PDE4D: variants seen among roughly 807,000 people sequenced by gnomAD.
PDE4D encodes the protein phosphodiesterase 4D.
In PDE4D, 24 loss-of-function variants were observed where a neutral mutation model predicts 87.4. That is an observed-to-expected ratio of 0.27 (90% confidence interval 0.20 to 0.39). PDE4D has a LOEUF of 0.39. Ranked by LOEUF, PDE4D falls within the 10% of genes least tolerant of loss-of-function variation. The pLI is 1.00. For synonymous variants in PDE4D, 384 were observed against 383.2 expected, an observed-to-expected ratio of 1.00 and a Z score of -0.02; for missense variants, 714 against 1,041.0, an observed-to-expected ratio of 0.69 and a Z score of 4.32.
chr5:59,541,555 G>C (rs1816351731), intron 1 of PDE4D, among the ~76,000 whole-genome samples: 1 of 152,148 alleles, frequency 6.6e-6, no homozygotes, highest in African/African-American at 2.4e-5. Context: ...TATAATATGG[G>C]AAGGAATTCC....
At chr5:60,414,812 G>A (rs1583674803) in intron 1 of PDE4D, among the ~76,000 whole-genome samples, 1 of 152,218 alleles carries the variant, frequency 6.6e-6, no homozygotes, top group Non-Finnish European at 1.5e-5. Context: ...CATTCCACAT[G>A]ACAGCCTTCA....
intron 1 of PDE4D, among the ~76,000 whole-genome samples, chr5:60,519,512 C>T (rs1750942373): frequency 6.6e-6 from 1 of 152,184 alleles, no homozygotes; most frequent in Non-Finnish European, 1.5e-5. Flanking sequence ...ATCCAATCAC[C>T]TTTCAACAAG....
intron 1 of PDE4D, among the ~76,000 whole-genome samples, chr5:59,778,583 A>T (rs999903471): frequency 2.4e-5 from 1 of 42,050 alleles, no homozygotes; most frequent in African/African-American, 1.7e-4. Context: ...TTATTTAATC[A>T]ATCAGTTATA....
chr5:59,258,619 T>C (rs1395342733), intron 1 of PDE4D, among the ~76,000 whole-genome samples: 1 of 149,750 alleles, frequency 6.7e-6, no homozygotes, highest in African/African-American at 2.4e-5. Context: ...AATTTACATA[T>C]CTCTAAGAAC....
chr5:59,977,131 CATA>C (rs1258088084), intron 3 of PDE4D, among the ~76,000 whole-genome samples: 1 of 152,166 alleles, frequency 6.6e-6, no homozygotes, highest in African/African-American at 2.4e-5. Context: ...AAAAGCTAGA[CATA>C]ATAAGGCTTA....
chr5:60,426,557 G>C (rs563561713), intron 1 of PDE4D, among the ~76,000 whole-genome samples: 1 of 152,128 alleles, frequency 6.6e-6, no homozygotes, highest in African/African-American at 2.4e-5. Context: ...GGGATGGATA[G>C]CATTAGGAGA....
intron 1 of PDE4D, among the ~76,000 whole-genome samples, chr5:59,244,569 CAT>C (rs1205989664): frequency 1.3e-5 from 2 of 149,268 alleles, no homozygotes; most frequent in African/African-American, 2.5e-5. Context: ...CGTGTACACA[CAT>C]ATGTATACAC....
At chr5:60,070,317 G>T (rs947819780) in intron 2 of PDE4D, among the ~76,000 whole-genome samples, 3 of 151,876 alleles carry the variant, frequency 2.0e-5, no homozygotes, top group African/African-American at 7.3e-5. Context: ...CGTTAGTGAT[G>T]GGCATTTAAT....
intron 1 of PDE4D, among the ~76,000 whole-genome samples, chr5:60,192,608 A>G (rs1313824034): frequency 6.6e-6 from 1 of 152,212 alleles, no homozygotes; most frequent in East Asian, 1.9e-4. Context: ...AAGATATTTC[A>G]ATTATATGAG....
chr5:59,855,211 A>C (rs1444144997), intron 1 of PDE4D, among the ~76,000 whole-genome samples: 1 of 152,094 alleles, frequency 6.6e-6, no homozygotes, highest in Non-Finnish European at 1.5e-5. Flanking sequence ...ATGGAACTTG[A>C]TGTACCCCTA....
At chr5:59,255,494 A>G (rs1760802712) in intron 1 of PDE4D, among the ~76,000 whole-genome samples, 1 of 152,054 alleles carries the variant, frequency 6.6e-6, no homozygotes, top group Non-Finnish European at 1.5e-5. Flanking sequence ...AGTGGTAGTA[A>G]AATGTTCTAC....
At chr5:59,703,274 A>G (rs1283098960) in intron 1 of PDE4D, among the ~76,000 whole-genome samples, 1 of 152,210 alleles carries the variant, frequency 6.6e-6, no homozygotes, top group Non-Finnish European at 1.5e-5. Flanking sequence ...CACATTTTAC[A>G]ACTTACATTG....
chr5:59,295,093 T>C (rs1354331170), intron 1 of PDE4D, among the ~76,000 whole-genome samples: 1 of 152,188 alleles, frequency 6.6e-6, no homozygotes, highest in African/African-American at 2.4e-5. Flanking sequence ...TCCCCATTTA[T>C]CTTTTTTTCT....
chr5:60,015,502 AAGAAG>A (rs1765418704), intron 2 of PDE4D, among the ~76,000 whole-genome samples: 1 of 152,204 alleles, frequency 6.6e-6, no homozygotes, highest in Non-Finnish European at 1.5e-5. Context: ...CTATGCTGTA[AAGAAG>A]CCCAAGCTTC....
At chr5:60,066,223 T>C (rs1177287095) in intron 2 of PDE4D, among the ~76,000 whole-genome samples, 1 of 152,170 alleles carries the variant, frequency 6.6e-6, no homozygotes, top group Non-Finnish European at 1.5e-5. Flanking sequence ...TTTGGCTGCA[T>C]AAATGTCTTC....
intron 1 of PDE4D, among the ~76,000 whole-genome samples, chr5:59,543,036 G>A (rs557889822): frequency 3.9e-5 from 6 of 152,288 alleles, no homozygotes; most frequent in African/African-American, 1.4e-4. Flanking sequence ...TAGAAGAGAT[G>A]AGAGTGAAAA....
At chr5:59,791,384 C>T (rs1477443757) in intron 1 of PDE4D, among the ~76,000 whole-genome samples, 1 of 152,188 alleles carries the variant, frequency 6.6e-6, no homozygotes, top group Non-Finnish European at 1.5e-5. Flanking sequence ...TTTAGAGAAC[C>T]TGCACTGTGA....
intron 5 of PDE4D, among the ~76,000 whole-genome samples, chr5:59,051,958 C>CCTT (rs10636912): frequency 6.6e-5 from 10 of 151,628 alleles, no homozygotes; most frequent in Non-Finnish European, 1.0e-4. Flanking sequence ...TTCTTTCTCT[C>CCTT]TTTTTCCCCC....
intron 1 of PDE4D, among the ~76,000 whole-genome samples, chr5:59,538,816 G>A (rs1420881745): frequency 6.6e-6 from 1 of 152,130 alleles, no homozygotes; most frequent in Non-Finnish European, 1.5e-5. Flanking sequence ...TCCAGAGCAT[G>A]TGCAACTGTC....
Sources: gnomAD v4.1 joint callset for allele counts (sites outside exome capture counted in the v4.1 genomes callset) on GRCh38, gnomAD v4.1.1 for gene constraint, MANE v1.5 for transcripts, NCBI Gene and HGNC (gene_info 2026-07-23, HGNC 2026-07-21) for gene names.